DOCK1: variants seen among roughly 807,000 people sequenced by gnomAD.
The protein encoded by DOCK1 is dedicator of cytokinesis 1.
In DOCK1, 138 loss-of-function variants were observed where a neutral mutation model predicts 262.7. The observed-to-expected ratio is 0.53, with a 90% confidence interval of 0.46 to 0.61. The LOEUF is 0.61. Ranked by LOEUF, DOCK1 falls within the 20% of genes least tolerant of loss-of-function variation. DOCK1 has a pLI of 0.00. For missense variants in DOCK1, 1,908 were observed against 2,370.7 expected, an observed-to-expected ratio of 0.80 and a Z score of 4.05; for synonymous variants, 866 against 867.4, an observed-to-expected ratio of 1.00 and a Z score of 0.03.
intron 29 of DOCK1, among the ~76,000 whole-genome samples, chr10:127,274,679 A>G (rs2060682873): frequency 6.6e-6 from 1 of 152,210 alleles, no homozygotes; most frequent in Non-Finnish European, 1.5e-5. Context: ...GCCAAAAGTG[A>G]TTGGTGGAAA....
chr10:127,161,368 G>A (rs569117343), intron 27 of DOCK1, among the ~76,000 whole-genome samples: 1 of 152,162 alleles, frequency 6.6e-6, no homozygotes, highest in South Asian at 2.1e-4. Context: ...TTTGGTGATG[G>A]TTTGTCTGTT....
At chr10:127,268,503 CAAA>C (rs56689236) in intron 29 of DOCK1, among the ~76,000 whole-genome samples, 2 of 70,156 alleles carry the variant, frequency 2.9e-5, no homozygotes, top group Admixed American at 4.1e-4. Flanking sequence ...GACTCCACCT[CAAA>C]AAAAAAAAAA....
chr10:127,152,088 A>G (rs1174356885), intron 27 of DOCK1, among the ~76,000 whole-genome samples: 1 of 151,982 alleles, frequency 6.6e-6, no homozygotes, highest in Non-Finnish European at 1.5e-5. Context: ...CTCTGAACCT[A>G]CCCTGGATGT....
chr10:127,009,441 T>A (rs2041266184), intron 11 of DOCK1, among the ~76,000 whole-genome samples: 1 of 152,166 alleles, frequency 6.6e-6, no homozygotes, highest in South Asian at 2.1e-4. Flanking sequence ...AACTGGCGTT[T>A]ATTTCCCTCG....
intron 23 of DOCK1, among the ~76,000 whole-genome samples, chr10:127,088,128 G>A (rs953968500): frequency 2.0e-5 from 3 of 152,172 alleles, no homozygotes; most frequent in African/African-American, 7.2e-5. Flanking sequence ...TAACCAGTTC[G>A]CTGCCACCAA....
At chr10:126,913,948 T>C (rs901936234) in intron 1 of DOCK1, among the ~76,000 whole-genome samples, 4 of 152,194 alleles carry the variant, frequency 2.6e-5, no homozygotes, top group Non-Finnish European at 5.9e-5. Context: ...CACCAACCTC[T>C]TTGGGCCCTT....
intron 1 of DOCK1, among the ~76,000 whole-genome samples, chr10:126,948,479 G>A (rs909696999): frequency 2.6e-5 from 4 of 151,860 alleles, no homozygotes; most frequent in Non-Finnish European, 4.4e-5. Flanking sequence ...GATGTTGCTG[G>A]TGAGGGTGAT....
At chr10:126,941,278 G>A (rs2034958613) in intron 1 of DOCK1, among the ~76,000 whole-genome samples, 1 of 152,126 alleles carries the variant, frequency 6.6e-6, no homozygotes, top group African/African-American at 2.4e-5. Flanking sequence ...GGTTATGAGA[G>A]GAGATGCTAT....
chr10:127,359,045 C>T (rs1261863957), intron 32 of DOCK1, among the ~76,000 whole-genome samples: 2 of 152,096 alleles, frequency 1.3e-5, no homozygotes, highest in Non-Finnish European at 2.9e-5. Context: ...TTTAAGTCTA[C>T]ACTGCAGGAG....
intron 27 of DOCK1, chr10:127,195,930 G>C (rs1181598056): frequency 6.6e-6 from 1 of 152,282 alleles, no homozygotes; most frequent in African/African-American, 2.4e-5. Context: ...TCCCAGCGGT[G>C]CTCTGCCCGC....
chr10:127,036,785 C>T (rs2043648970), intron 18 of DOCK1, among the ~76,000 whole-genome samples: 1 of 151,662 alleles, frequency 6.6e-6, no homozygotes, highest in Non-Finnish European at 1.5e-5. Flanking sequence ...ATCAGCCTGG[C>T]CAACATGGTG....
At chr10:127,341,771 G>GCC (rs2063438251) in intron 30 of DOCK1, among the ~76,000 whole-genome samples, 1 of 152,176 alleles carries the variant, frequency 6.6e-6, no homozygotes, top group African/African-American at 2.4e-5. Flanking sequence ...GTGCTTCAGG[G>GCC]CCCACATCGA....
At chr10:127,014,383 A>G (rs555799235) in intron 12 of DOCK1, among the ~76,000 whole-genome samples, 1 of 152,362 alleles carries the variant, frequency 6.6e-6, no homozygotes, top group Non-Finnish European at 1.5e-5. Context: ...AAAACACAGC[A>G]TAATCAGGAA....
intron 1 of DOCK1, among the ~76,000 whole-genome samples, chr10:126,965,376 G>T (rs929372911): frequency 6.6e-6 from 1 of 152,130 alleles, no homozygotes; most frequent in East Asian, 1.9e-4. Context: ...ATGGAAAGAT[G>T]GGTTGTGTGC....
intron 29 of DOCK1, among the ~76,000 whole-genome samples, chr10:127,262,077 G>GTGT (rs879269473): frequency 0.051 from 4,274 of 83,954 alleles, 183 homozygotes; most frequent in Non-Finnish European, 0.067. Context: ...TGTGCATGTG[G>GTGT]GTGTGTGTGT....
intron 29 of DOCK1, among the ~76,000 whole-genome samples, chr10:127,306,795 A>G (rs552989023): frequency 6.6e-6 from 1 of 152,292 alleles, no homozygotes; most frequent in East Asian, 1.9e-4. Context: ...AAACCAAACG[A>G]AGGCAGTGGG....
Position 127,100,074 on chromosome 10 carries a change from C to T in DOCK1, c.2446-6157C>T, listed in dbSNP as rs1048262398. The stretch of plus-strand genomic sequence containing the variant: ...GGGGTGGTGGGGCCAGAGCCCATGG[C>T]CCTCCATGGGTGTGGGATAGGTTCC... On this transcript the variant is annotated intron_variant, in intron 23 of 51. Transcript: ENST00000623213. The surrounding 1 kb of genome is among the most constrained non-coding windows in gnomAD (Gnocchi z 5.5). Among the ~76,000 whole-genome samples the T allele has an allele frequency of 4.6e-5, 7 of 152,120 alleles. No individual in the cohort carries two copies. Among genetic ancestry groups the T allele is most frequent in the African/African-American group, 1.7e-4 (7 of 41,438 alleles).
rs376380186 is a variant in DOCK1, at chr10:127,061,702, G to A, written c.2371G>A (p.Glu791Lys). 6.7e-5 allele frequency: 107 copies of A among 1,600,450 alleles called. No individual in the cohort carries two copies. Among genetic ancestry groups the A allele is most frequent in the Non-Finnish European group, 7.9e-5 (93 of 1,173,488 alleles). The change falls in exon 23 of 52, where the codon GAA becomes AAA. Residue 791 changes from glutamate (E) to lysine (K), a missense_variant. Physicochemically the swap from Glu to Lys is moderately conservative, Grantham distance 56. This residue lies in a region of DOCK1 where 518 missense variants were observed against 575.1 expected (regional missense o/e 0.90). Transcript: ENST00000623213. Reference sequence around the variant, plus strand: ...AAACAAGGGAGAGGCTGACTTCGTGGAATCTTTGCTGCAGCTCTTCAGGTC... The same window carrying A: ...AAACAAGGGAGAGGCTGACTTCGTGAAATCTTTGCTGCAGCTCTTCAGGTC... ...YENKGEADFVESLLQLFRSIN... is the reference protein window; with the variant it reads ...YENKGEADFVKSLLQLFRSIN...
intron 32 of DOCK1, among the ~76,000 whole-genome samples, chr10:127,360,172 A>G (rs993317774): frequency 2.0e-4 from 31 of 152,192 alleles, no homozygotes; most frequent in African/African-American, 7.5e-4. Context: ...CCAGAGGTGC[A>G]GTGTCCAGGC....
Sources: gnomAD v4.1 joint callset for allele counts (sites outside exome capture counted in the v4.1 genomes callset) on GRCh38, gnomAD v4.1.1 for gene constraint, gnomAD v4.1.1 regional missense constraint, Gnocchi (gnomAD v3.1) non-coding constraint, MANE v1.5 for transcripts, NCBI Gene and HGNC (gene_info 2026-07-23, HGNC 2026-07-21) for gene names.